The following RBPJ variants were observed in gnomAD, a reference collection of about 807,000 sequenced individuals.
RBPJ encodes recombining binding protein suppressor of hairless.
A neutral mutation model predicts 67.8 loss-of-function variants in RBPJ; 9 were observed. That is an observed-to-expected ratio of 0.13 (90% confidence interval 0.08 to 0.23). The LOEUF (loss-of-function observed/expected upper bound fraction) is 0.23. Ranked by LOEUF, RBPJ falls within the 10% of genes least tolerant of loss-of-function variation. RBPJ has a pLI of 1.00. For synonymous variants in RBPJ, 198 were observed against 203.3 expected, an observed-to-expected ratio of 0.97 and a Z score of 0.22; for missense variants, 305 against 595.6, an observed-to-expected ratio of 0.51 and a Z score of 5.08.
intron 1 of RBPJ, among the ~76,000 whole-genome samples, chr4:26,271,609 A>G (rs970796333): frequency 6.6e-6 from 1 of 152,120 alleles, no homozygotes; most frequent in Non-Finnish European, 1.5e-5. Context: ...AGGATCCATC[A>G]GTAGGCAGAT....
At chr4:26,287,320 A>G (rs926886914) in intron 1 of RBPJ, among the ~76,000 whole-genome samples, 13 of 151,816 alleles carry the variant, frequency 8.6e-5, no homozygotes, top group African/African-American at 2.7e-4. Context: ...TAAGAGAATC[A>G]CTTGAAGCCA....
rs535329386 is a variant in RBPJ at position 26,351,191 on chromosome 4, A to C, written c.20+30143A>C. Among the ~76,000 whole-genome samples, 7 of 152,286 alleles carry C rather than the reference A, an allele frequency of 4.6e-5. No individual in the cohort carries two copies. The South Asian group carries it at 1.5e-3, about 32-fold the overall frequency. On this transcript the variant is annotated intron_variant, in intron 1 of 10. Coordinates refer to ENST00000355476, the MANE Select transcript of RBPJ (RefSeq NM_015874.6). ...TCCCAGGCCCATCCTGTGGATTTCA[A>C]AAGTATATGTGGAAACATTGTGTAC...
At chr4:26,320,948 G>A (rs1347773175), upstream of RBPJ, 5 of 1,608,444 alleles carry the variant, frequency 3.1e-6, no homozygotes, top group Admixed American at 3.3e-5. Context: ...AGGAAAAAGG[G>A]AAGGGGCGGG....
At chr4:26,146,452 A>C in the RBPJ span, among the ~76,000 whole-genome samples, 1 of 152,244 alleles carries the variant, frequency 6.6e-6, no homozygotes, top group East Asian at 1.9e-4. Flanking sequence ...AGAAGTCAGT[A>C]CAGGAGAAAA....
At chr4:26,109,979 C>T in the RBPJ span, among the ~76,000 whole-genome samples, 10 of 151,932 alleles carry the variant, frequency 6.6e-5, no homozygotes, top group African/African-American at 1.2e-4. Context: ...TAGCTTTCTC[C>T]GTCATTCTTA....
chr4:26,426,214 A>G (rs1340239452), intron 7 of RBPJ, among the ~76,000 whole-genome samples: 1 of 152,116 alleles, frequency 6.6e-6, no homozygotes, highest in African/African-American at 2.4e-5. Flanking sequence ...TCCAAGGATG[A>G]TGTTCATTTG....
Position 26,269,375 on chromosome 4 carries a change from C to T in RBPJ, c.-166-93071C>T, listed in dbSNP as rs187903935. ...GGTTCAAGTGATTCTCCTGCCTCAG[C>T]CTCCCGAGTAGCTGATATTACAGGC... On this transcript the variant is annotated intron_variant, in intron 1 of 4. Coordinates refer to the RBPJ transcript ENST00000512351. Among the ~76,000 whole-genome samples the T allele has an allele frequency of 3.1e-3, 469 of 152,012 alleles. 1 individual carries two copies. Among genetic ancestry groups the T allele is most frequent in the Non-Finnish European group, 5.5e-3 (374 of 67,964 alleles).
At chr4:26,270,872 C>T (rs1402910294) in intron 1 of RBPJ, among the ~76,000 whole-genome samples, 1 of 151,968 alleles carries the variant, frequency 6.6e-6, no homozygotes. Context: ...ATCCGCCTCC[C>T]CCCCACCCTT....
intron 1 of RBPJ, among the ~76,000 whole-genome samples, chr4:26,322,693 G>T (rs1178095677): frequency 6.6e-6 from 1 of 151,424 alleles, no homozygotes; most frequent in Non-Finnish European, 1.5e-5. Flanking sequence ...ACACGTAATA[G>T]CCTGTAGTGA....
chr4:26,324,312 A>G (rs556820446), intron 1 of RBPJ, among the ~76,000 whole-genome samples: 13 of 152,264 alleles, frequency 8.5e-5, no homozygotes, highest in Middle Eastern at 3.4e-3. Flanking sequence ...TAATATGGGT[A>G]ATAAAACAGA....
chr4:26,338,095 GT>G (rs1365688109), intron 1 of RBPJ, among the ~76,000 whole-genome samples: 2 of 135,862 alleles, frequency 1.5e-5, no homozygotes, highest in African/African-American at 2.8e-5. Context: ...TTTTTTTGTT[GT>G]TTTTTTTTCA....
chr4:26,230,208 A>G (rs920934300), intron 1 of RBPJ, among the ~76,000 whole-genome samples: 2 of 151,490 alleles, frequency 1.3e-5, no homozygotes, highest in African/African-American at 2.4e-5. Context: ...AAAAAAAGTC[A>G]TTATGACACA....
At chr4:26,360,133 A>G (rs1305820350) in intron 1 of RBPJ, among the ~76,000 whole-genome samples, 1 of 152,226 alleles carries the variant, frequency 6.6e-6, no homozygotes, top group South Asian at 2.1e-4. Context: ...GTGAATTTTG[A>G]TGTAAATACA....
intron 1 of RBPJ, among the ~76,000 whole-genome samples, chr4:26,344,336 G>A (rs941461292): frequency 1.3e-4 from 20 of 152,216 alleles, no homozygotes; most frequent in African/African-American, 2.2e-4. Flanking sequence ...CCGGGTTCAC[G>A]CCATTCTCCT....
intron 2 of RBPJ, among the ~76,000 whole-genome samples, chr4:26,396,458 G>A (rs1289308536): frequency 6.6e-6 from 1 of 152,184 alleles, no homozygotes; most frequent in Non-Finnish European, 1.5e-5. Flanking sequence ...GAACCAAGAT[G>A]GTGACTTGCC....
the RBPJ span, among the ~76,000 whole-genome samples, chr4:26,139,551 C>T: frequency 6.6e-6 from 1 of 152,254 alleles, no homozygotes; most frequent in Non-Finnish European, 1.5e-5. Flanking sequence ...TGGGGCTGTG[C>T]TGAGGCCTCC....
intron 1 of RBPJ, among the ~76,000 whole-genome samples, chr4:26,207,105 C>A (rs563202945): frequency 6.6e-6 from 1 of 152,260 alleles, no homozygotes; most frequent in Admixed American, 6.5e-5. Flanking sequence ...TTTTACTAAG[C>A]CCCTGGAGTA....
chr4:26,186,027 C>T (rs2109134793), intron 1 of RBPJ, among the ~76,000 whole-genome samples: 1 of 151,726 alleles, frequency 6.6e-6, no homozygotes, highest in South Asian at 2.1e-4. Context: ...GCGTAGGCGA[C>T]AAGAGTGAAA....
upstream of RBPJ, chr4:26,321,002 T>A: frequency 6.2e-7 from 1 of 1,613,120 alleles, no homozygotes; most frequent in South Asian, 1.1e-5. Flanking sequence ...TCGCGAGGGT[T>A]GGAGTTTTGG....
Sources: allele counts gnomAD v4.1 joint callset (sites outside exome capture counted in the v4.1 genomes callset), GRCh38; gene constraint gnomAD v4.1.1; transcripts MANE v1.5; gene names NCBI Gene and HGNC (gene_info 2026-07-23, HGNC 2026-07-21).